Variants in ERC2 observed in about 807,000 individuals in gnomAD.
ERC2 encodes the protein ELKS/RAB6-interacting/CAST family member 2, also known as ERC protein 2.
Under a neutral mutation model 114.8 loss-of-function variants are expected in ERC2, and 42 were observed. The ratio of observed to expected loss-of-function variants is 0.37; its 90% confidence interval spans 0.29 to 0.47. The LOEUF is 0.47. Among genes scored for constraint, ERC2 ranks in the 20% least tolerant of loss-of-function variants. The pLI is 0.99. For synonymous variants in ERC2, 454 were observed against 425.5 expected, an observed-to-expected ratio of 1.07 and a Z score of -0.82; for missense variants, 939 against 1,150.7, an observed-to-expected ratio of 0.82 and a Z score of 2.66.
intron 2 of ERC2, among the ~76,000 whole-genome samples, chr3:56,375,590 A>G (rs55968316): frequency 0.033 from 5,063 of 152,292 alleles, 177 homozygotes; most frequent in African/African-American, 0.081. Context: ...AAGGCAATCC[A>G]ATAGTAATAA....
Position 56,442,735 on chromosome 3 carries a change from G to A in ERC2, c.-140-7588C>T, listed in dbSNP as rs1365001432. ...CTTTTCCAAAATTGATTTGACAACC[G>A]AATCCTCTTCCCTTCAGAATACCTG... is the stretch of plus-strand genomic sequence containing the variant. On this transcript the variant is annotated intron_variant, in intron 1 of 17. Transcript: ENST00000288221. 5.3e-5 allele frequency among the ~76,000 whole-genome samples: 8 copies of A among 152,250 alleles called. 2 individuals carry two copies. In the South Asian group the frequency reaches 1.5e-3, roughly 28 times the overall value.
chr3:56,114,813 T>G (rs1261905036), intron 6 of ERC2, among the ~76,000 whole-genome samples: 1 of 152,164 alleles, frequency 6.6e-6, no homozygotes, highest in Non-Finnish European at 1.5e-5. Flanking sequence ...TAAACTAACT[T>G]TGAGAAGAAT....
Position 56,400,324 on chromosome 3 carries a change from G to A in ERC2, c.657+34027C>T, listed in dbSNP as rs561000873. Among the ~76,000 whole-genome samples the A allele has an allele frequency of 3.3e-5, 5 of 152,026 alleles. No homozygotes were observed. The East Asian group carries it at 5.8e-4, about 18-fold the overall frequency. Reference sequence around the variant, plus strand: ...AAGGTGATGGTTATGGGGGCTGAGGGGGTCACAGAAATAGAAACACTATTC... The same window carrying A: ...AAGGTGATGGTTATGGGGGCTGAGGAGGTCACAGAAATAGAAACACTATTC... On this transcript the variant is annotated intron_variant, in intron 2 of 17. Transcript: ENST00000288221.
chr3:56,199,167 G>A (rs914503727), intron 3 of ERC2, among the ~76,000 whole-genome samples: 4 of 152,138 alleles, frequency 2.6e-5, no homozygotes, highest in Non-Finnish European at 5.9e-5. Context: ...GTTGGGAAAT[G>A]CTATGAAGGA....
At chr3:56,402,132 C>A (rs561814718) in intron 2 of ERC2, among the ~76,000 whole-genome samples, 109 of 152,278 alleles carry the variant, frequency 7.2e-4, no homozygotes, top group South Asian at 1.5e-3. Flanking sequence ...GCCCTTGATA[C>A]GTAGGGATTA....
intron 2 of ERC2, among the ~76,000 whole-genome samples, chr3:56,399,925 A>G (rs1348299348): frequency 6.6e-6 from 1 of 152,200 alleles, no homozygotes; most frequent in Non-Finnish European, 1.5e-5. Context: ...GGTCTCTTCA[A>G]TAACTAAATA....
chr3:56,146,434 C>G (rs192818333), intron 5 of ERC2, among the ~76,000 whole-genome samples: 1 of 152,270 alleles, frequency 6.6e-6, no homozygotes, highest in East Asian at 1.9e-4. Flanking sequence ...CTTACTAGTA[C>G]TTTTTAGCTA....
chr3:55,553,159 C>A (rs1426015972), intron 17 of ERC2, among the ~76,000 whole-genome samples: 1 of 150,878 alleles, frequency 6.6e-6, no homozygotes, highest in East Asian at 2.0e-4. Flanking sequence ...GTAGCTTGGA[C>A]TACAGGCACA....
At chr3:56,214,290 G>A (rs1457625985) in intron 3 of ERC2, among the ~76,000 whole-genome samples, 2 of 151,906 alleles carry the variant, frequency 1.3e-5, no homozygotes, top group African/African-American at 2.4e-5. Flanking sequence ...ATGGAGAGAA[G>A]CCCTTAAAGG....
At chr3:55,678,077 T>A (rs1044103273) in intron 17 of ERC2, among the ~76,000 whole-genome samples, 1 of 152,136 alleles carries the variant, frequency 6.6e-6, no homozygotes, top group African/African-American at 2.4e-5. Flanking sequence ...GATATAAATA[T>A]ACAGACACCT....
At position 56,309,191 on chromosome 3, in the gene ERC2, C is replaced by A. The variant is rs9867771; in HGVS notation, c.658-12756G>T. ...GGCTTTCTCTTTTGGGGTAGAATACCCCAAGGAGAAGCACATATAACTAAA... is the reference window on the plus strand; with the variant it reads ...GGCTTTCTCTTTTGGGGTAGAATACACCAAGGAGAAGCACATATAACTAAA... On this transcript the variant is annotated intron_variant, in intron 2 of 17. Transcript: ENST00000288221. Among the ~76,000 whole-genome samples the A allele has an allele frequency of 7.9e-3, 1,206 of 152,058 alleles. 24 individuals carry two copies. The highest frequency in any genetic ancestry group is 0.027 in the African/African-American group (1,122 of 41,468).
At chr3:56,427,550 C>T (rs1314831737) in intron 2 of ERC2, among the ~76,000 whole-genome samples, 1 of 152,164 alleles carries the variant, frequency 6.6e-6, no homozygotes, top group East Asian at 1.9e-4. Flanking sequence ...AGAATGTAAC[C>T]TTCTCTGGAG....
chr3:55,525,590 C>A (rs1002332594), intron 17 of ERC2, among the ~76,000 whole-genome samples: 5 of 152,122 alleles, frequency 3.3e-5, no homozygotes, highest in African/African-American at 1.2e-4. Flanking sequence ...TGTGGTAAGG[C>A]CTGAAATAGA....
chr3:55,568,305 G>A (rs534545861), intron 17 of ERC2, among the ~76,000 whole-genome samples: 14 of 152,252 alleles, frequency 9.2e-5, no homozygotes, highest in East Asian at 5.8e-4. Flanking sequence ...CAACTTGGCC[G>A]GGGACCCATG....
intron 13 of ERC2, among the ~76,000 whole-genome samples, chr3:55,892,639 C>T (rs954164155): frequency 4.0e-5 from 6 of 151,890 alleles, no homozygotes; most frequent in African/African-American, 1.5e-4. Flanking sequence ...AGTTAAGATC[C>T]TCCCAAGTCC....
chr3:55,702,296 G>C (rs565743684), intron 15 of ERC2, among the ~76,000 whole-genome samples: 1 of 152,330 alleles, frequency 6.6e-6, no homozygotes, highest in East Asian at 1.9e-4. Flanking sequence ...AATGTACACA[G>C]AGCAATTGTG....
At chr3:56,348,336 C>CA (rs1423951414) in intron 2 of ERC2, among the ~76,000 whole-genome samples, 2 of 125,852 alleles carry the variant, frequency 1.6e-5, no homozygotes, top group Admixed American at 1.7e-4. Flanking sequence ...AATTCCAACA[C>CA]CATCATATCT....
At chr3:55,835,168 G>A (rs1415901099) in intron 14 of ERC2, among the ~76,000 whole-genome samples, 1 of 152,076 alleles carries the variant, frequency 6.6e-6, no homozygotes, top group Non-Finnish European at 1.5e-5. Context: ...AATTCTACCA[G>A]AGGTACAAGG....
chr3:55,763,880 T>C (rs985499222), intron 14 of ERC2, among the ~76,000 whole-genome samples: 1 of 152,218 alleles, frequency 6.6e-6, no homozygotes, highest in African/African-American at 2.4e-5. Flanking sequence ...TAGTACCTAA[T>C]AAAATAAAGC....
Sources: gnomAD v4.1 joint callset for allele counts (sites outside exome capture counted in the v4.1 genomes callset) on GRCh38, gnomAD v4.1.1 for gene constraint, MANE v1.5 for transcripts, NCBI Gene and HGNC (gene_info 2026-07-23, HGNC 2026-07-21) for gene names.